The following AGBL1 variants were observed in gnomAD, a reference collection of about 807,000 sequenced individuals.
AGBL1 encodes AGBL carboxypeptidase 1, also known as cytosolic carboxypeptidase 4.
In AGBL1, 130 loss-of-function variants were observed where a neutral mutation model predicts 118.9. The observed-to-expected ratio is 1.09, with a 90% CI of 0.95 to 1.26. The LOEUF (loss-of-function observed/expected upper bound fraction) is 1.26. Ranked by LOEUF, AGBL1 falls within the 50% of genes most tolerant of loss-of-function variation. AGBL1 has a pLI of 0.00. For synonymous variants in AGBL1, 555 were observed against 478.9 expected, an observed-to-expected ratio of 1.16 and a Z score of -2.08; for missense variants, 1,584 against 1,298.1, an observed-to-expected ratio of 1.22 and a Z score of -3.38.
At chr15:86,149,198 G>A in intron 3 of AGBL1, among the ~76,000 whole-genome samples, 1 of 152,150 alleles carries the variant, frequency 6.6e-6, no homozygotes, top group East Asian at 1.9e-4. Flanking sequence ...GACCGTTGAT[G>A]CTAGGAAGAA....
intron 24 of AGBL1, chr15:86,988,412 T>A (rs368280281): frequency 5.3e-6 from 1 of 188,510 alleles, no homozygotes; most frequent in African/African-American, 2.3e-5. Context: ...CAAGGTTTCA[T>A]TGGTAAATGT....
At chr15:86,978,946 C>T (rs188876030) in intron 23 of AGBL1, among the ~76,000 whole-genome samples, 1 of 152,274 alleles carries the variant, frequency 6.6e-6, no homozygotes, top group East Asian at 1.9e-4. Flanking sequence ...TGAGTTCTTG[C>T]TTTTCAAATT....
At chr15:86,327,575 C>G (rs977754658) in intron 17 of AGBL1, among the ~76,000 whole-genome samples, 1 of 152,144 alleles carries the variant, frequency 6.6e-6, no homozygotes, top group Non-Finnish European at 1.5e-5. Context: ...CATATGTGCC[C>G]AGCAGAAGTG....
At position 86,266,876 on chromosome 15, in the gene AGBL1, G is replaced by A; in HGVS notation, c.1752-114G>A. The A allele has an allele frequency of 4.3e-6, 4 of 934,872 alleles. No individual in the cohort carries two copies. In the South Asian group the frequency reaches 6.2e-5, roughly 15 times the overall value. The allele number at this position is 934,872 out of a possible 1,614,324, so 57.9% of individuals were successfully genotyped here. On this transcript the variant is annotated intron_variant, in intron 12 of 22. Coordinates refer to ENST00000614907, the MANE Select transcript of AGBL1 (RefSeq NM_001386094.1). ...ACATCCCGCCCTGCACTCCAGCCTG[G>A]GCAACAGAGTGAGATTCTGTCTCAA...
chr15:86,958,561 T>C lies in AGBL1; in HGVS notation c.3222-29426T>C, dbSNP rs548924457. Among the ~76,000 whole-genome samples the C allele has an allele frequency of 1.3e-4, 20 of 152,260 alleles. No individual in the cohort carries two copies. In the South Asian group the frequency reaches 4.1e-3, roughly 32 times the overall value. Reference sequence around the variant, plus strand: ...TATAAGGTTCTGCAACAATTAGCTGTTTATAGAAAACAATTAATGAAATAG... The same window carrying C: ...TATAAGGTTCTGCAACAATTAGCTGCTTATAGAAAACAATTAATGAAATAG... On this transcript the variant is annotated intron_variant, in intron 23 of 24. Transcript: ENST00000441037.
chr15:86,081,672 T>A (rs1895295096), intron 1 of AGBL1, among the ~76,000 whole-genome samples: 1 of 152,232 alleles, frequency 6.6e-6, no homozygotes, highest in African/African-American at 2.4e-5. Flanking sequence ...TACAATAAGC[T>A]GACATTCTGA....
chr15:86,819,365 T>C (rs989900320), intron 22 of AGBL1, among the ~76,000 whole-genome samples: 5 of 152,046 alleles, frequency 3.3e-5, no homozygotes, highest in Admixed American at 6.6e-5. Context: ...TCACATGCTT[T>C]GCATATATTA....
At chr15:86,856,048 T>C (rs1443171429) in intron 22 of AGBL1, among the ~76,000 whole-genome samples, 1 of 152,230 alleles carries the variant, frequency 6.6e-6, no homozygotes, top group South Asian at 2.1e-4. Context: ...GAATGTACCC[T>C]CTCACAGTCC....
At chr15:86,377,011 C>G (rs1447751894) in intron 17 of AGBL1, among the ~76,000 whole-genome samples, 1 of 152,144 alleles carries the variant, frequency 6.6e-6, no homozygotes, top group Non-Finnish European at 1.5e-5. Flanking sequence ...ATTTATGATC[C>G]TATCTATATG....
At chr15:86,210,030 C>A (rs1274462256) in intron 5 of AGBL1, among the ~76,000 whole-genome samples, 2 of 152,176 alleles carry the variant, frequency 1.3e-5, no homozygotes, top group Non-Finnish European at 2.9e-5. Context: ...AATCTCTCAG[C>A]ATTTACTTGT....
chr15:86,451,388 AG>A (rs1226264456), intron 18 of AGBL1, among the ~76,000 whole-genome samples: 1 of 152,234 alleles, frequency 6.6e-6, no homozygotes, highest in Non-Finnish European at 1.5e-5. Flanking sequence ...TACCCATAAA[AG>A]TTGTTTAAAA....
At chr15:86,469,339 T>A (rs1883215273) in intron 18 of AGBL1, among the ~76,000 whole-genome samples, 2 of 152,222 alleles carry the variant, frequency 1.3e-5, no homozygotes, top group Admixed American at 1.3e-4. Context: ...CATGTAGTAT[T>A]TATATTTATA....
intron 17 of AGBL1, among the ~76,000 whole-genome samples, chr15:86,380,069 G>A (rs1243259667): frequency 6.6e-6 from 1 of 152,114 alleles, no homozygotes; most frequent in African/African-American, 2.4e-5. Flanking sequence ...GCACTAGAGG[G>A]ATGTCGTTAG....
intron 22 of AGBL1, among the ~76,000 whole-genome samples, chr15:86,897,384 TAAG>T (rs1352082122): frequency 6.6e-6 from 1 of 152,182 alleles, no homozygotes; most frequent in African/African-American, 2.4e-5. Context: ...GAGCTACAAG[TAAG>T]TTTTTCTGTA....
intron 18 of AGBL1, among the ~76,000 whole-genome samples, chr15:86,421,954 G>T (rs2081797221): frequency 6.6e-6 from 1 of 152,140 alleles, no homozygotes; most frequent in African/African-American, 2.4e-5. Flanking sequence ...CATAAAGCAT[G>T]TTCTTAGAGA....
chr15:86,872,061 C>G (rs1352847117), intron 22 of AGBL1, among the ~76,000 whole-genome samples: 1 of 152,100 alleles, frequency 6.6e-6, no homozygotes, highest in African/African-American at 2.4e-5. Context: ...TCACAAATTC[C>G]TATCGATCAA....
At chr15:86,214,803 G>A (rs192393135) in intron 5 of AGBL1, among the ~76,000 whole-genome samples, 92 of 152,326 alleles carry the variant, frequency 6.0e-4, no homozygotes, top group African/African-American at 2.2e-3. Context: ...TCCCAGCCTC[G>A]ATTGTGGTGC....
At chr15:86,266,924 A>G (rs1229144637) in intron 12 of AGBL1, 66 bp from the exon 13 acceptor site, 3 of 1,258,248 alleles carry the variant, frequency 2.4e-6, no homozygotes, top group African/African-American at 3.0e-5. Flanking sequence ...GAAAAAAAGA[A>G]TCATCACACT....
intron 22 of AGBL1, among the ~76,000 whole-genome samples, chr15:86,723,923 G>GT (rs2086776381): frequency 6.6e-6 from 1 of 151,762 alleles, no homozygotes; most frequent in Non-Finnish European, 1.5e-5. Context: ...TTATGAGGGA[G>GT]TAAGATGACT....
Sources: gnomAD v4.1 joint callset for allele counts (sites outside exome capture counted in the v4.1 genomes callset) on GRCh38, gnomAD v4.1.1 for gene constraint, MANE v1.5 for transcripts, NCBI Gene and HGNC (gene_info 2026-07-23, HGNC 2026-07-21) for gene names.